Variants in SEPTIN11 observed in about 807,000 individuals in gnomAD.
SEPTIN11 encodes septin 11, also known as septin-11.
SEPTIN11 carries 25 observed loss-of-function variants against 51.4 expected under a neutral mutation model. The observed-to-expected ratio is 0.49, with a 90% CI of 0.35 to 0.68. The LOEUF (loss-of-function observed/expected upper bound fraction) is 0.68. SEPTIN11 is among the 30% of genes least tolerant of loss of function. The pLI is 0.00. For missense variants in SEPTIN11, 381 were observed against 520.8 expected, an observed-to-expected ratio of 0.73 and a Z score of 2.61; for synonymous variants, 174 against 184.1, an observed-to-expected ratio of 0.95 and a Z score of 0.44.
At position 77,025,438 on chromosome 4, in the gene SEPTIN11, G is replaced by A. The variant is rs553715724; in HGVS notation, c.954-3191G>A. 1.5e-4 allele frequency among the ~76,000 whole-genome samples: 23 copies of A among 152,084 alleles called. No individual in the cohort carries two copies. The Middle Eastern group carries it at 0.01, about 67-fold the overall frequency. ...TGCTTGTGTTTGGTCCCAACTACTC[G>A]AAAAGCTGAAGTGGGAAGATCGCTT... On this transcript the variant is annotated intron_variant, in intron 7 of 9. Coordinates refer to ENST00000264893, the MANE Select transcript of SEPTIN11 (RefSeq NM_018243.4).
At chr4:76,974,563 C>T in intron 1 of SEPTIN11, 2 of 346,028 alleles carry the variant, frequency 5.8e-6, no homozygotes, top group Non-Finnish European at 1.1e-5. Context: ...GACACTTGCC[C>T]ACACTACAAA....
At chr4:76,951,816 C>A (rs183367697) in intron 1 of SEPTIN11, among the ~76,000 whole-genome samples, 2 of 152,300 alleles carry the variant, frequency 1.3e-5, no homozygotes, top group African/African-American at 4.8e-5. Flanking sequence ...GTAATCACAT[C>A]CAACACCAAG....
At chr4:76,969,844 T>G (rs1722170183) in intron 1 of SEPTIN11, among the ~76,000 whole-genome samples, 2 of 152,212 alleles carry the variant, frequency 1.3e-5, no homozygotes, top group Non-Finnish European at 2.9e-5. Flanking sequence ...ATTCAGATGC[T>G]TTCCTCCAGT....
At position 77,016,615 on chromosome 4, in the gene SEPTIN11, C is replaced by CATATAT. The variant is rs370267588; in HGVS notation, c.687+1608_687+1613dup. 2.7e-3 allele frequency among the ~76,000 whole-genome samples: 210 copies of CATATAT among 79,220 alleles called. 4 individuals carry two copies. The highest frequency in any genetic ancestry group is 8.5e-3 in the African/African-American group (182 of 21,486). 52.0% of individuals were successfully genotyped at this position (79,220 alleles called of 152,430 possible). Reference sequence around the variant, plus strand: ...ATACACACACATATATATATATACACATATATATATATATACACATATATA... The same window carrying CATATAT: ...ATACACACACATATATATATATACACATATATATATATATATATATACACATATATA... On this transcript the variant is annotated intron_variant, in intron 5 of 9. Transcript: ENST00000264893.
In SEPTIN11 at chr4:77,038,210, G is replaced by C; in HGVS notation, c.*3698G>C. 1 of 985,554 alleles carries C rather than the reference G, an allele frequency of 1.0e-6. No homozygotes were observed. Among genetic ancestry groups the C allele is most frequent in the Non-Finnish European group, 1.2e-6 (1 of 829,706 alleles). 61.1% of individuals were successfully genotyped at this position (985,554 alleles called of 1,614,324 possible). On this transcript the variant is annotated 3_prime_UTR_variant, in exon 10 of 10. Transcript: ENST00000264893. ...GTCTAGTTTGTATGTAGGTATGAAG[G>C]GAATTTTTTAAATAAATTGAAAAGC...
intron 1 of SEPTIN11, among the ~76,000 whole-genome samples, chr4:76,964,485 T>C (rs1379435199): frequency 6.6e-6 from 1 of 152,154 alleles, no homozygotes; most frequent in Non-Finnish European, 1.5e-5. Context: ...AGAGCCAAGC[T>C]GTGACCTGGG....
chr4:76,956,993 TGAGAGAGAGAGA>T (rs149722958), intron 1 of SEPTIN11, among the ~76,000 whole-genome samples: 33 of 98,576 alleles, frequency 3.3e-4, no homozygotes, highest in East Asian at 1.7e-3. Context: ...TGTGTGTGTG[TGAGAGAGAGAGA>T]GACAGAGACA....
In SEPTIN11 at chr4:77,036,828, G is replaced by A. The variant is rs551256108; in HGVS notation, c.*2316G>A. On this transcript the variant is annotated 3_prime_UTR_variant, in exon 10 of 10. Coordinates refer to ENST00000264893, the MANE Select transcript of SEPTIN11 (RefSeq NM_018243.4). ...CTCAAATCTAATTGGATGTGCTTTC[G>A]CCTTTGCATGTAAGTACGGTAGTAA... is the stretch of plus-strand genomic sequence containing the variant. 6.0e-4 allele frequency: 916 copies of A among 1,522,042 alleles called. No individual in the cohort carries two copies. The highest frequency in any genetic ancestry group is 7.3e-4 in the Non-Finnish European group (838 of 1,142,826). 94.3% of individuals were successfully genotyped at this position (1,522,042 alleles called of 1,614,324 possible).
Position 77,036,348 on chromosome 4 carries a change from A to T in SEPTIN11, c.*1836A>T. On this transcript the variant is annotated 3_prime_UTR_variant, in exon 10 of 10. Coordinates refer to ENST00000264893, the MANE Select transcript of SEPTIN11 (RefSeq NM_018243.4). ...AAATAGTAGCTGGCATGTTGATTCA[A>T]ACCATGGGCTGAATTTGCTCATAGG... 9.6e-7 allele frequency: 1 copy of T among 1,043,482 alleles called. No individual in the cohort carries two copies. 64.6% of individuals were successfully genotyped at this position (1,043,482 alleles called of 1,614,324 possible).
intron 1 of SEPTIN11, among the ~76,000 whole-genome samples, chr4:76,950,207 C>A (rs1275325345): frequency 6.6e-6 from 1 of 152,170 alleles, no homozygotes; most frequent in Non-Finnish European, 1.5e-5. Flanking sequence ...TAAAATAATT[C>A]TTTGAGGCGC....
intron 4 of SEPTIN11, among the ~76,000 whole-genome samples, 178 bp from the exon 5 acceptor site, chr4:77,014,678 G>A (rs528836487): frequency 1.3e-5 from 2 of 149,100 alleles, no homozygotes; most frequent in South Asian, 4.3e-4. Flanking sequence ...AAAAAAAATT[G>A]TAGGTACATA....
intron 7 of SEPTIN11, among the ~76,000 whole-genome samples, chr4:77,022,113 C>T (rs1472584726): frequency 6.6e-6 from 1 of 152,176 alleles, no homozygotes; most frequent in Non-Finnish European, 1.5e-5. Flanking sequence ...CTTACAAAAT[C>T]AAGTCCACTT....
Position 77,037,697 on chromosome 4 carries a change from G to A in SEPTIN11, c.*3185G>A. 2.0e-6 allele frequency: 2 copies of A among 985,734 alleles called. No homozygotes were observed. The highest frequency in any genetic ancestry group is 2.4e-6 in the Non-Finnish European group (2 of 829,906). 61.1% of individuals were successfully genotyped at this position (985,734 alleles called of 1,614,324 possible). A position where few individuals can be genotyped will look rare whatever the true frequency, so the allele number is the denominator to read the frequency against. On this transcript the variant is annotated 3_prime_UTR_variant, in exon 10 of 10. Coordinates refer to ENST00000264893, the MANE Select transcript of SEPTIN11 (RefSeq NM_018243.4). The stretch of plus-strand genomic sequence containing the variant: ...ATCTTTTTGCTTCTTCTGAACTTTA[G>A]ATCTCCATAACACATGTACTGTAGA...
chr4:77,031,131 T>TG, intron 9 of SEPTIN11, 161 bp downstream of exon 9: 1 of 673,674 alleles, frequency 1.5e-6, no homozygotes, highest in Non-Finnish European at 2.4e-6. Context: ...GGTTTTTAAA[T>TG]TTTTTTAAAA....
At chr4:77,022,743 T>G (rs1020362861) in intron 7 of SEPTIN11, among the ~76,000 whole-genome samples, 2 of 152,210 alleles carry the variant, frequency 1.3e-5, no homozygotes, top group Non-Finnish European at 2.9e-5. Context: ...TCCCAAAGTG[T>G]TTTACTTCTC....
chr4:77,016,631 C>T (rs28646891), intron 5 of SEPTIN11, among the ~76,000 whole-genome samples: 576 of 22,580 alleles, frequency 0.026, 10 homozygotes, highest in African/African-American at 0.072. Context: ...TATATATATA[C>T]ACATATATAT....
chr4:77,005,774 G>T lies in SEPTIN11; in HGVS notation c.316G>T (p.Asp106Tyr). Residue 106 changes from aspartate to tyrosine, a missense_variant, in exon 3 of 10, where the codon GAC becomes TAC. Physicochemically the swap from Asp to Tyr is radical, Grantham distance 160. This residue lies in a region of SEPTIN11 where 184 missense variants were observed against 207.7 expected (regional missense o/e 0.89). Transcript: ENST00000264893. ...CATTGTTGACACCGTGGGATTTGGA[G>T]ACCAGATAAATAAAGATGACAGGTA... ...LTIVDTVGFG[D>Y]QINKDDSYKP... 1 of 1,613,780 alleles carries T rather than the reference G, an allele frequency of 6.2e-7. No homozygotes were observed. The highest frequency in any genetic ancestry group is 8.5e-7 in the Non-Finnish European group (1 of 1,179,832).
intron 1 of SEPTIN11, among the ~76,000 whole-genome samples, chr4:76,960,807 C>G (rs927372515): frequency 6.6e-6 from 1 of 152,204 alleles, no homozygotes; most frequent in Admixed American, 6.5e-5. Context: ...TCTACTCCCC[C>G]ACCAAACCAA....
chr4:76,990,802 C>G (rs1419257572), intron 1 of SEPTIN11, among the ~76,000 whole-genome samples: 1 of 152,194 alleles, frequency 6.6e-6, no homozygotes, highest in African/African-American at 2.4e-5. Context: ...AGAATGTTTC[C>G]TCATCACAAA....
Sources: allele counts gnomAD v4.1 joint callset (sites outside exome capture counted in the v4.1 genomes callset), GRCh38; gene constraint gnomAD v4.1.1; regional missense constraint gnomAD v4.1.1; transcripts MANE v1.5; gene names NCBI Gene and HGNC (gene_info 2026-07-23, HGNC 2026-07-21).